Variants in MKX observed in about 807,000 individuals in gnomAD.
The protein encoded by MKX is mohawk homeobox.
MKX carries 13 observed loss-of-function variants against 36.0 expected under a neutral mutation model. The observed-to-expected ratio is 0.36, with a 90% CI of 0.24 to 0.57. The LOEUF (loss-of-function observed/expected upper bound fraction) is 0.57. Ranked by LOEUF, MKX falls within the 20% of genes least tolerant of loss-of-function variation. MKX has a pLI of 0.79. For synonymous variants in MKX, 176 were observed against 178.3 expected (o/e 0.99, Z 0.10); for missense variants, 458 against 456.4 (o/e 1.00, Z -0.03).
intron 5 of MKX, among the ~76,000 whole-genome samples, chr10:27,695,777 T>C (rs922099340): frequency 3.3e-5 from 5 of 151,928 alleles, no homozygotes; most frequent in Admixed American, 6.6e-5. Flanking sequence ...ATAAAGAGAA[T>C]AGAAAAAACA....
At chr10:27,735,110 G>T (rs1834724396) in intron 4 of MKX, 111 bp downstream of exon 4, 1 of 1,012,752 alleles carries the variant, frequency 9.9e-7, no homozygotes, top group East Asian at 2.7e-5. Flanking sequence ...CAATAAAAAA[G>T]AACCGTTAAG....
chr10:27,711,508 TTCCTTC>T (rs1564357148), intron 5 of MKX, among the ~76,000 whole-genome samples: 662 of 32,094 alleles, frequency 0.021, 29 homozygotes, highest in Middle Eastern at 0.04. Flanking sequence ...CTTTCCTTCC[TTCCTTC>T]CTTCCTTCCT....
At chr10:27,720,501 A>G (rs1271256686) in intron 5 of MKX, among the ~76,000 whole-genome samples, 1 of 152,204 alleles carries the variant, frequency 6.6e-6, no homozygotes. Context: ...ACTGTAAATA[A>G]CTTAAATAGA....
intron 5 of MKX, among the ~76,000 whole-genome samples, chr10:27,718,311 C>A (rs1406499894): frequency 6.6e-6 from 1 of 152,146 alleles, no homozygotes; most frequent in Non-Finnish European, 1.5e-5. Flanking sequence ...TAAATATGTA[C>A]TTTATTGATA....
At chr10:27,691,922 T>A (rs1223700511) in intron 5 of MKX, among the ~76,000 whole-genome samples, 5 of 152,222 alleles carry the variant, frequency 3.3e-5, no homozygotes, top group Non-Finnish European at 7.3e-5. Flanking sequence ...CCATGGTGTA[T>A]ATGTACCTCA....
At chr10:27,738,366 G>A (rs1459728866) in intron 3 of MKX, among the ~76,000 whole-genome samples, 1 of 151,998 alleles carries the variant, frequency 6.6e-6, no homozygotes, top group Non-Finnish European at 1.5e-5. Context: ...TTCACTGAAG[G>A]TAAAAATATC....
intron 3 of MKX, among the ~76,000 whole-genome samples, chr10:27,735,719 T>C (rs1435270650): frequency 6.6e-6 from 1 of 151,616 alleles, no homozygotes; most frequent in African/African-American, 2.4e-5. Flanking sequence ...ATGATACGAG[T>C]CCAAAGGAAA....
intron 5 of MKX, among the ~76,000 whole-genome samples, chr10:27,721,974 A>G (rs912307491): frequency 6.6e-6 from 1 of 152,140 alleles, no homozygotes; most frequent in Non-Finnish European, 1.5e-5. Context: ...GTGGAGAAAA[A>G]AGTAGTCTGA....
intron 5 of MKX, among the ~76,000 whole-genome samples, chr10:27,712,930 C>G (rs1166440605): frequency 1.3e-5 from 2 of 151,930 alleles, no homozygotes; most frequent in Non-Finnish European, 2.9e-5. Flanking sequence ...GAGCAAGGCC[C>G]TGTCTCTAAA....
rs557549101 is a variant in MKX at position 27,675,119 on chromosome 10, T to C, written c.*110A>G. 843 of 979,786 alleles carry C rather than the reference T, an allele frequency of 8.6e-4. 2 individuals carry two copies. The highest frequency in any genetic ancestry group is 1.3e-3 in the Admixed American group (48 of 37,200). The allele number at this position is 979,786 out of a possible 1,614,324, so 60.7% of individuals were successfully genotyped here. Reference sequence around the variant, plus strand: ...ATGATATATTTGGGATAATTAAAAATAAGAAGAGGTTTGGGAGAGAGTCAT... The same window carrying C: ...ATGATATATTTGGGATAATTAAAAACAAGAAGAGGTTTGGGAGAGAGTCAT... On this transcript the variant is annotated 3_prime_UTR_variant, in exon 7 of 7. Transcript: ENST00000419761.
At chr10:27,733,616 A>G (rs1398549199) in intron 5 of MKX, among the ~76,000 whole-genome samples, 2 of 152,160 alleles carry the variant, frequency 1.3e-5, no homozygotes, top group Non-Finnish European at 2.9e-5. Flanking sequence ...GGTTATTTCC[A>G]GCTCTAATAT....
At chr10:27,699,674 C>A (rs2815571) in intron 5 of MKX, among the ~76,000 whole-genome samples, 2 of 152,040 alleles carry the variant, frequency 1.3e-5, no homozygotes, top group African/African-American at 4.8e-5. Context: ...TTGGCTTCCA[C>A]ACGCGCCTTC....
intron 5 of MKX, among the ~76,000 whole-genome samples, chr10:27,716,436 C>T (rs114762175): frequency 3.9e-5 from 5 of 127,674 alleles, no homozygotes; most frequent in African/African-American, 1.5e-4. Flanking sequence ...AAAAAAAAAG[C>T]AAAAAAAAAA....
intron 5 of MKX, among the ~76,000 whole-genome samples, chr10:27,706,253 A>C (rs1400552871): frequency 5.3e-5 from 8 of 152,130 alleles, no homozygotes; most frequent in Non-Finnish European, 7.3e-5. Context: ...ATATATATAT[A>C]TATCACATTT....
At chr10:27,725,674 A>C (rs1216375983) in intron 5 of MKX, among the ~76,000 whole-genome samples, 1 of 143,378 alleles carries the variant, frequency 7.0e-6, no homozygotes, top group African/African-American at 2.6e-5. Flanking sequence ...TGCAACTAAC[A>C]AAAAAAAAAA....
At chr10:27,723,048 C>T (rs1380375199) in intron 5 of MKX, among the ~76,000 whole-genome samples, 1 of 152,130 alleles carries the variant, frequency 6.6e-6, no homozygotes, top group Non-Finnish European at 1.5e-5. Context: ...AATTTTACTG[C>T]TTCAATCATA....
intron 5 of MKX, among the ~76,000 whole-genome samples, chr10:27,716,568 G>A (rs1162427707): frequency 6.6e-6 from 1 of 151,984 alleles, no homozygotes. Flanking sequence ...AAGAGAACAC[G>A]TGTTTTCTGT....
intron 5 of MKX, among the ~76,000 whole-genome samples, chr10:27,680,460 T>C (rs1836236117): frequency 6.6e-6 from 1 of 151,866 alleles, no homozygotes; most frequent in African/African-American, 2.4e-5. Flanking sequence ...TATCCTCAGT[T>C]TGGACATGTG....
intron 5 of MKX, among the ~76,000 whole-genome samples, chr10:27,693,801 A>G (rs1013240397): frequency 6.6e-6 from 1 of 152,140 alleles, no homozygotes; most frequent in South Asian, 2.1e-4. Flanking sequence ...ACTCTTTGTT[A>G]TATCTTTTGA....
Sources: allele counts gnomAD v4.1 joint callset (sites outside exome capture counted in the v4.1 genomes callset), GRCh38; gene constraint gnomAD v4.1.1; transcripts MANE v1.5; gene names NCBI Gene and HGNC (gene_info 2026-07-23, HGNC 2026-07-21).